MAF: variants seen among roughly 807,000 people sequenced by gnomAD.
MAF encodes the protein transcription factor Maf.
Under a neutral mutation model 22.0 loss-of-function variants are expected in MAF, and 10 were observed. That is an observed-to-expected ratio of 0.45 (90% CI 0.28 to 0.77). The LOEUF is 0.77. MAF is among the 30% of genes least tolerant of loss of function. MAF has a pLI of 0.12. For missense variants in MAF, 544 were observed against 548.4 expected, an observed-to-expected ratio of 0.99 and a Z score of 0.08; for synonymous variants, 337 against 255.8, an observed-to-expected ratio of 1.32 and a Z score of -3.03.
chr16:79,502,726 T>TAAATATAA, the MAF span, among the ~76,000 whole-genome samples: 801 of 101,570 alleles, frequency 7.9e-3, 21 homozygotes, highest in East Asian at 0.013. Flanking sequence ...TATATATATA[T>TAAATATAA]ATATATATAT....
chr16:79,307,687 C>A, the MAF span, among the ~76,000 whole-genome samples: 5 of 152,286 alleles, frequency 3.3e-5, no homozygotes, highest in South Asian at 1.0e-3. Flanking sequence ...TGCAAGATAA[C>A]TAGTTAGACT....
the MAF span, among the ~76,000 whole-genome samples, chr16:79,542,861 G>C: frequency 6.6e-6 from 1 of 152,202 alleles, no homozygotes; most frequent in African/African-American, 2.4e-5. Context: ...AAGGCAGTTG[G>C]TTTCCACATA....
the MAF span, among the ~76,000 whole-genome samples, chr16:79,453,454 G>C: frequency 6.6e-6 from 1 of 152,146 alleles, no homozygotes; most frequent in Admixed American, 6.5e-5. Context: ...CCATCAGCAA[G>C]GAAGCAATGT....
the MAF span, among the ~76,000 whole-genome samples, chr16:79,400,974 T>A: frequency 6.6e-6 from 1 of 152,174 alleles, no homozygotes; most frequent in Non-Finnish European, 1.5e-5. Flanking sequence ...GGCTCACACA[T>A]ACACAGGCGT....
At chr16:79,522,056 C>A in the MAF span, among the ~76,000 whole-genome samples, 2 of 152,096 alleles carry the variant, frequency 1.3e-5, no homozygotes, top group East Asian at 1.9e-4. Flanking sequence ...GTGTAGCAAG[C>A]ACACAGGCGG....
chr16:79,413,208 C>A, the MAF span, among the ~76,000 whole-genome samples: 5 of 108,098 alleles, frequency 4.6e-5, no homozygotes, highest in African/African-American at 1.7e-4. Flanking sequence ...GTGAGCTGTG[C>A]AGTTTTTTTT....
the MAF span, among the ~76,000 whole-genome samples, chr16:79,318,723 C>A: frequency 6.6e-5 from 10 of 152,318 alleles, no homozygotes; most frequent in East Asian, 1.5e-3. Flanking sequence ...GTATTTGCAC[C>A]TGTTCCCTGA....
the MAF span, among the ~76,000 whole-genome samples, chr16:79,284,209 C>T: frequency 2.6e-5 from 4 of 152,204 alleles, no homozygotes; most frequent in Non-Finnish European, 5.9e-5. Context: ...AAACCACCTC[C>T]ATCCGCCTTC....
At chr16:79,538,196 C>T in the MAF span, among the ~76,000 whole-genome samples, 11 of 152,296 alleles carry the variant, frequency 7.2e-5, no homozygotes, top group Non-Finnish European at 1.3e-4. Flanking sequence ...AAAAAGAGTT[C>T]TGTCCTATTT....
At chr16:79,429,053 T>C in the MAF span, among the ~76,000 whole-genome samples, 1 of 152,086 alleles carries the variant, frequency 6.6e-6, no homozygotes, top group Non-Finnish European at 1.5e-5. Context: ...GGATGTGCTG[T>C]AAGCAATGCG....
the MAF span, among the ~76,000 whole-genome samples, chr16:79,309,742 A>G: frequency 6.6e-6 from 1 of 152,178 alleles, no homozygotes; most frequent in Non-Finnish European, 1.5e-5. Context: ...GGTCATTAGC[A>G]TATCTCCCTC....
the MAF span, among the ~76,000 whole-genome samples, chr16:79,541,560 G>A: frequency 3.3e-5 from 5 of 151,752 alleles, no homozygotes; most frequent in African/African-American, 7.3e-5. Flanking sequence ...AGGACAATAC[G>A]TAATATGGCC....
chr16:79,534,736 T>A, the MAF span, among the ~76,000 whole-genome samples: 1 of 151,962 alleles, frequency 6.6e-6, no homozygotes, highest in Admixed American at 6.6e-5. Flanking sequence ...TAAAGTATAA[T>A]TTAAAAAAAA....
chr16:79,524,599 C>T, the MAF span, among the ~76,000 whole-genome samples: 10,080 of 152,260 alleles, frequency 0.066, 520 homozygotes, highest in Non-Finnish European at 0.088. Context: ...TTGCATTATA[C>T]ATTTTTTAGT....
the MAF span, among the ~76,000 whole-genome samples, chr16:79,553,990 G>A: frequency 1.3e-5 from 2 of 152,182 alleles, no homozygotes; most frequent in Admixed American, 1.3e-4. Context: ...TCGGGAGGCT[G>A]AGGCAGGAGA....
the MAF span, among the ~76,000 whole-genome samples, chr16:79,499,190 A>G: frequency 6.6e-6 from 1 of 152,200 alleles, no homozygotes; most frequent in Non-Finnish European, 1.5e-5. Flanking sequence ...TATGACAGCA[A>G]GCATATATTG....
the MAF span, among the ~76,000 whole-genome samples, chr16:79,502,757 AGAC>A: frequency 7.4e-6 from 1 of 135,500 alleles, no homozygotes; most frequent in Non-Finnish European, 1.5e-5. Flanking sequence ...ATATATATAA[AGAC>A]TCATTAGCTC....
chr16:79,500,092 G>T, the MAF span, among the ~76,000 whole-genome samples: 1 of 152,200 alleles, frequency 6.6e-6, no homozygotes, highest in Non-Finnish European at 1.5e-5. Flanking sequence ...TTTGCCTGGA[G>T]CCTCCAGAAG....
At chr16:79,511,265 A>G in the MAF span, among the ~76,000 whole-genome samples, 3 of 152,192 alleles carry the variant, frequency 2.0e-5, no homozygotes, top group Non-Finnish European at 4.4e-5. Context: ...AGAAAAGAAA[A>G]GGAAAGAAAA....
Sources: allele counts gnomAD v4.1 joint callset (sites outside exome capture counted in the v4.1 genomes callset), GRCh38; gene constraint gnomAD v4.1.1; transcripts MANE v1.5; gene names NCBI Gene and HGNC (gene_info 2026-07-23, HGNC 2026-07-21).